Variants in PTPRD observed in about 807,000 individuals in gnomAD.
PTPRD encodes receptor-type tyrosine-protein phosphatase delta.
Under a neutral mutation model 214.5 loss-of-function variants are expected in PTPRD, and 34 were observed. That is an observed-to-expected ratio of 0.16 (90% confidence interval 0.12 to 0.21). The LOEUF (loss-of-function observed/expected upper bound fraction) is 0.21, where lower values mean the gene tolerates loss of function less well. Ranked by LOEUF, PTPRD falls within the 10% of genes least tolerant of loss-of-function variation. PTPRD has a pLI of 1.00. For missense variants in PTPRD, 2,545 were observed against 2,398.7 expected, an observed-to-expected ratio of 1.06 and a Z score of -1.27; for synonymous variants, 1,128 against 845.7, an observed-to-expected ratio of 1.33 and a Z score of -5.79.
At chr9:8,564,737 G>A (rs766760884) in intron 14 of PTPRD, among the ~76,000 whole-genome samples, 1 of 152,132 alleles carries the variant, frequency 6.6e-6, no homozygotes, top group Non-Finnish European at 1.5e-5. Flanking sequence ...ATCAAGTCAT[G>A]TTACATTGAT....
At chr9:9,722,225 T>A (rs2097964173) in intron 7 of PTPRD, among the ~76,000 whole-genome samples, 1 of 152,026 alleles carries the variant, frequency 6.6e-6, no homozygotes, top group African/African-American at 2.4e-5. Flanking sequence ...ATCCTATACT[T>A]ATCAGCAGAC....
At chr9:9,959,267 T>A (rs987645726) in intron 4 of PTPRD, among the ~76,000 whole-genome samples, 3 of 152,132 alleles carry the variant, frequency 2.0e-5, no homozygotes, top group African/African-American at 4.8e-5. Context: ...GTGATTACAA[T>A]TATATATTAT....
chr9:9,937,953 T>C (rs2090151585), intron 5 of PTPRD, among the ~76,000 whole-genome samples: 1 of 152,174 alleles, frequency 6.6e-6, no homozygotes, highest in Non-Finnish European at 1.5e-5. Flanking sequence ...GAGTGGATCA[T>C]AACTGGAATT....
intron 9 of PTPRD, among the ~76,000 whole-genome samples, chr9:9,240,553 C>T (rs963562678): frequency 4.6e-5 from 7 of 152,078 alleles, no homozygotes; most frequent in African/African-American, 1.7e-4. Context: ...TGCCTGTCAT[C>T]CCAGCTACTG....
At chr9:9,196,545 C>G (rs1379048917) in intron 9 of PTPRD, among the ~76,000 whole-genome samples, 6 of 152,130 alleles carry the variant, frequency 3.9e-5, no homozygotes, top group Admixed American at 3.3e-4. Flanking sequence ...AATCCCATCC[C>G]TACTCTACTT....
intron 35 of PTPRD, among the ~76,000 whole-genome samples, chr9:8,427,693 A>AT (rs34583757): frequency 1.4e-3 from 215 of 150,346 alleles, no homozygotes; most frequent in African/African-American, 4.4e-3. Context: ...TATTATTATT[A>AT]TTTTTTTTTA....
chr9:8,387,573 G>A (rs997885590), intron 37 of PTPRD, among the ~76,000 whole-genome samples: 11 of 152,174 alleles, frequency 7.2e-5, no homozygotes, highest in East Asian at 1.9e-4. Flanking sequence ...CATGCATGCC[G>A]TAATATAATA....
chr9:9,566,522 G>C (rs1478679529), intron 8 of PTPRD, among the ~76,000 whole-genome samples: 2 of 151,830 alleles, frequency 1.3e-5, no homozygotes, highest in Admixed American at 1.3e-4. Flanking sequence ...TCTTGCTGGA[G>C]AATCAGTTTT....
chr9:8,508,589 G>A (rs1476891464), intron 21 of PTPRD, among the ~76,000 whole-genome samples: 1 of 149,146 alleles, frequency 6.7e-6, no homozygotes, highest in Non-Finnish European at 1.5e-5. Context: ...GAAAAAAAGA[G>A]AACAATAATA....
chr9:9,310,920 GATAAATAAATAAATAAATAA>G (rs146963669), intron 9 of PTPRD, among the ~76,000 whole-genome samples: 1,890 of 138,524 alleles, frequency 0.014, 47 homozygotes, highest in African/African-American at 0.05. Flanking sequence ...CTGTGTCTCA[GATAAATAAATAAATAAATAA>G]ATAAATAAAT....
At chr9:10,322,210 T>G (rs1369609532) in intron 3 of PTPRD, among the ~76,000 whole-genome samples, 1 of 152,054 alleles carries the variant, frequency 6.6e-6, no homozygotes, top group Non-Finnish European at 1.5e-5. Context: ...TGCAGTCAGT[T>G]TAATGCATGA....
intron 9 of PTPRD, among the ~76,000 whole-genome samples, chr9:9,348,663 T>C (rs2049891526): frequency 6.6e-6 from 1 of 152,168 alleles, no homozygotes; most frequent in Non-Finnish European, 1.5e-5. Flanking sequence ...CAATGTCTAG[T>C]AAGTCCAGAT....
chr9:9,249,734 C>G (rs2099974668), intron 9 of PTPRD, among the ~76,000 whole-genome samples: 1 of 152,028 alleles, frequency 6.6e-6, no homozygotes, highest in East Asian at 1.9e-4. Context: ...CTGTCTTTGT[C>G]AAGGAAAAGT....
chr9:9,478,523 G>A (rs1334086619), intron 8 of PTPRD, among the ~76,000 whole-genome samples: 3 of 152,080 alleles, frequency 2.0e-5, no homozygotes, highest in Non-Finnish European at 1.5e-5. Context: ...GGATGAAAGT[G>A]GTTATGTAAA....
chr9:10,555,422 G>C (rs986323316), intron 2 of PTPRD, among the ~76,000 whole-genome samples: 12 of 152,288 alleles, frequency 7.9e-5, no homozygotes, highest in African/African-American at 2.6e-4. Context: ...CACAATAGCA[G>C]TTAGTCTTCA....
chr9:8,322,151 G>A (rs1444035867), intron 44 of PTPRD, among the ~76,000 whole-genome samples: 1 of 152,000 alleles, frequency 6.6e-6, no homozygotes, highest in Admixed American at 6.6e-5. Flanking sequence ...TTCCCCATCT[G>A]TCTTTTTCTC....
intron 8 of PTPRD, among the ~76,000 whole-genome samples, chr9:9,563,029 A>C (rs780945943): frequency 9.2e-5 from 14 of 152,322 alleles, no homozygotes; most frequent in Admixed American, 4.6e-4. Flanking sequence ...GAACATTTTT[A>C]ATAAATCACC....
intron 5 of PTPRD, among the ~76,000 whole-genome samples, chr9:9,916,490 AAATTGGTTG>A (rs1185250313): frequency 6.6e-6 from 1 of 151,992 alleles, no homozygotes; most frequent in Admixed American, 6.6e-5. Flanking sequence ...TAAAAGATAT[AAATTGGTTG>A]AATAGATTTT....
chr9:8,396,064 A>G (rs1339339499), intron 36 of PTPRD, among the ~76,000 whole-genome samples: 1 of 152,154 alleles, frequency 6.6e-6, no homozygotes, highest in Non-Finnish European at 1.5e-5. Flanking sequence ...GCAATGAAGT[A>G]GTCAACAATC....
Sources: allele counts gnomAD v4.1 joint callset (sites outside exome capture counted in the v4.1 genomes callset), GRCh38; gene constraint gnomAD v4.1.1; transcripts MANE v1.5; gene names NCBI Gene and HGNC (gene_info 2026-07-23, HGNC 2026-07-21).